The following CCDC93 variants were observed in gnomAD, a reference collection of about 807,000 sequenced individuals.
CCDC93 encodes the protein coiled-coil domain-containing protein 93.
In CCDC93, 61 loss-of-function variants were observed where a neutral mutation model predicts 108.2. That is an observed-to-expected ratio of 0.56 (90% CI 0.46 to 0.70). The LOEUF (loss-of-function observed/expected upper bound fraction) is 0.70, where lower values mean the gene tolerates loss of function less well. Ranked by LOEUF, CCDC93 falls within the 30% of genes least tolerant of loss-of-function variation. CCDC93 has a pLI of 0.00. For synonymous variants in CCDC93, 276 were observed against 260.4 expected (o/e 1.06, Z -0.58); for missense variants, 685 against 764.2 (o/e 0.90, Z 1.22).
rs142712071 is a variant in CCDC93 at position 118,005,448 on chromosome 2, T to C, written c.251+1274A>G. Among the ~76,000 whole-genome samples the C allele has an allele frequency of 7.2e-4, 109 of 152,244 alleles. 1 individual carries two copies. The highest frequency in any genetic ancestry group is 3.4e-3 in the Middle Eastern group (1 of 294). The stretch of plus-strand genomic sequence containing the variant: ...AAAGCATCCTCAAGAAGACAAAGAA[T>C]TCATGCTAATGAACAGCCTGATTAA... On this transcript the variant is annotated intron_variant, in intron 3 of 23. Transcript: ENST00000376300.
intron 6 of CCDC93, among the ~76,000 whole-genome samples, chr2:117,993,115 G>A (rs1309998762): frequency 6.6e-6 from 1 of 152,020 alleles, no homozygotes; most frequent in Non-Finnish European, 1.5e-5. Context: ...TTAATGTTTG[G>A]GCCGGGCACT....
At chr2:117,978,220 C>T (rs373921802) in intron 7 of CCDC93, among the ~76,000 whole-genome samples, 190 bp from the exon 8 acceptor site, 31 of 152,252 alleles carry the variant, frequency 2.0e-4, no homozygotes, top group African/African-American at 7.0e-4. Context: ...GGCCAGCCAC[C>T]CTACTTGCTA....
chr2:117,923,676 G>C (rs1558765151), intron 23 of CCDC93, among the ~76,000 whole-genome samples: 1 of 99,044 alleles, frequency 1.0e-5, no homozygotes, highest in African/African-American at 4.9e-5. Context: ...CTGCCTGCCT[G>C]CCTGCCTCTA....
intron 7 of CCDC93, among the ~76,000 whole-genome samples, chr2:117,982,473 T>C (rs914906972): frequency 1.3e-5 from 2 of 152,156 alleles, no homozygotes; most frequent in African/African-American, 4.8e-5. Flanking sequence ...TAAACAGTCC[T>C]TAAGGCCTTC....
chr2:118,012,067 T>G (rs1367598844), intron 1 of CCDC93, among the ~76,000 whole-genome samples: 1 of 152,200 alleles, frequency 6.6e-6, no homozygotes, highest in Non-Finnish European at 1.5e-5. Context: ...CTATAGTTGT[T>G]GTAAGCTGGA....
chr2:117,924,294 G>A (rs1206013618), intron 23 of CCDC93, among the ~76,000 whole-genome samples: 2 of 152,230 alleles, frequency 1.3e-5, no homozygotes, highest in African/African-American at 4.8e-5. Flanking sequence ...ACTTTGATGA[G>A]TTGAGAGAAG....
intron 3 of CCDC93, among the ~76,000 whole-genome samples, chr2:118,001,761 GT>G (rs1325027629): frequency 1.3e-5 from 2 of 152,164 alleles, no homozygotes; most frequent in African/African-American, 4.8e-5. Context: ...GGGTAGGACA[GT>G]TTATGGCAGC....
chr2:117,959,667 G>C (rs1679327823), intron 11 of CCDC93, among the ~76,000 whole-genome samples: 1 of 152,194 alleles, frequency 6.6e-6, no homozygotes, highest in Admixed American at 6.5e-5. Flanking sequence ...ACAACCAGCA[G>C]GATACAGCTG....
In CCDC93 at chr2:117,939,118, A is replaced by C. The variant is rs1442662645; in HGVS notation, c.1523-7T>G. On this transcript the variant is annotated splice_polypyrimidine_tract_variant and splice_region_variant and intron_variant, in intron 19 of 23. Coordinates refer to ENST00000376300, the MANE Select transcript of CCDC93 (RefSeq NM_019044.5). Reference sequence around the variant, plus strand: ...TCTTTGTGCACTGCTGAAACTGTAAAAGTAAAGAAATCAGCACACGAATAA... The same window carrying C: ...TCTTTGTGCACTGCTGAAACTGTAACAGTAAAGAAATCAGCACACGAATAA... 2.5e-6 allele frequency: 4 copies of C among 1,571,934 alleles called. No homozygotes were observed. The highest frequency in any genetic ancestry group is 3.5e-6 in the Non-Finnish European group (4 of 1,142,822).
chr2:117,991,331 A>C (rs1337953849), intron 6 of CCDC93, among the ~76,000 whole-genome samples: 1 of 152,172 alleles, frequency 6.6e-6, no homozygotes, highest in Non-Finnish European at 1.5e-5. Context: ...CTCTGTAGGC[A>C]TTTGAGTCTC....
Position 117,945,571 on chromosome 2 carries a change from A to G in CCDC93, c.1308T>C (p.Ser436=), listed in dbSNP as rs563464404. The change falls in exon 17 of 24, where the codon AGT becomes AGC. Residue 436 remains serine, a synonymous_variant. Transcript: ENST00000376300. ...APRGDEKTLS[S]GEPPGTLTSA... ...AGGTCAAGGTACCAGGCGGCTCTCC[A>G]CTGGAGAGGGTCTGAAACAATGAAA... 1.9e-6 allele frequency: 3 copies of G among 1,613,896 alleles called. No individual in the cohort carries two copies. Among genetic ancestry groups the G allele is most frequent in the South Asian group, 2.2e-5 (2 of 91,074 alleles).
At chr2:117,942,241 C>T (rs1423051486) in intron 18 of CCDC93, among the ~76,000 whole-genome samples, 1 of 152,196 alleles carries the variant, frequency 6.6e-6, no homozygotes, top group African/African-American at 2.4e-5. Context: ...TCTTTTACTG[C>T]ATCTGTAACT....
At position 117,975,188 on chromosome 2, in the gene CCDC93, C is replaced by T. The variant is rs1679898051; in HGVS notation, c.750G>A (p.Glu250=). The T allele has an allele frequency of 1.2e-6, 2 of 1,613,030 alleles. No homozygotes were observed. The highest frequency in any genetic ancestry group is 1.7e-6 in the Non-Finnish European group (2 of 1,179,162). Residue 250 remains glutamate (E), a splice_region_variant and synonymous_variant, in exon 9 of 24, where the codon GAG becomes GAA. Coordinates refer to ENST00000376300, the MANE Select transcript of CCDC93 (RefSeq NM_019044.5). ...HEEDELRAAE[E]QRIQSLMTKM... is the part of the protein sequence containing the mutation. ...CAGAGGGCCTACATGGACCACACAC[C>T]TCTTCAGCTGCTCGAAGCTCATCTT...
At chr2:117,994,049 A>T (rs567051805) in intron 6 of CCDC93, among the ~76,000 whole-genome samples, 2 of 152,330 alleles carry the variant, frequency 1.3e-5, no homozygotes, top group South Asian at 4.1e-4. Context: ...ATCTTTTAAC[A>T]GCATACAAAA....
At chr2:117,952,840 G>T (rs1164760354) in intron 12 of CCDC93, among the ~76,000 whole-genome samples, 1 of 152,082 alleles carries the variant, frequency 6.6e-6, no homozygotes, top group African/African-American at 2.4e-5. Context: ...TAACCCACTT[G>T]CCTGTTTGCA....
intron 3 of CCDC93, among the ~76,000 whole-genome samples, chr2:118,004,497 C>T (rs996240923): frequency 1.3e-5 from 2 of 152,234 alleles, no homozygotes; most frequent in African/African-American, 4.8e-5. Context: ...GACATACGTC[C>T]AGCCCACCCA....
intron 12 of CCDC93, 70 bp downstream of exon 12, chr2:117,958,295 C>T (rs544859408): frequency 2.1e-5 from 21 of 989,136 alleles, no homozygotes; most frequent in Admixed American, 3.6e-5. Context: ...TGCCAACCCC[C>T]GTTCTGGAAT....
intron 16 of CCDC93, 53 bp downstream of exon 16, chr2:117,946,758 C>T (rs1678885335): frequency 7.6e-7 from 1 of 1,318,486 alleles, no homozygotes; most frequent in Admixed American, 1.7e-5. Context: ...CTAGAACTAT[C>T]TTTTTCCCGT....
intron 20 of CCDC93, among the ~76,000 whole-genome samples, chr2:117,937,265 C>A (rs1374284581): frequency 1.3e-5 from 2 of 152,214 alleles, no homozygotes; most frequent in Admixed American, 6.5e-5. Flanking sequence ...CCCGTGGACA[C>A]TGCCTTAGCC....
Sources: allele counts gnomAD v4.1 joint callset (sites outside exome capture counted in the v4.1 genomes callset), GRCh38; gene constraint gnomAD v4.1.1; transcripts MANE v1.5; gene names NCBI Gene and HGNC (gene_info 2026-07-23, HGNC 2026-07-21).